Variants in FHIT observed in about 807,000 individuals in gnomAD.
The protein encoded by FHIT is bis(5'-adenosyl)-triphosphatase.
FHIT carries 19 observed loss-of-function variants against 17.9 expected under a neutral mutation model. The observed-to-expected ratio is 1.06, with a 90% CI of 0.74 to 1.56. The LOEUF is 1.56. Among genes scored for constraint, FHIT ranks in the 40% most tolerant of loss-of-function variants. The pLI is 0.00. For missense variants in FHIT, 248 were observed against 189.2 expected, an observed-to-expected ratio of 1.31 and a Z score of -1.82; for synonymous variants, 81 against 69.7, an observed-to-expected ratio of 1.16 and a Z score of -0.81.
intron 3 of FHIT, among the ~76,000 whole-genome samples, chr3:60,922,399 G>T (rs908755728): frequency 1.4e-4 from 21 of 152,304 alleles, no homozygotes; most frequent in Non-Finnish European, 2.9e-4. Flanking sequence ...AATCAGCCCA[G>T]TGTCAGATGG....
At position 60,087,076 on chromosome 3, in the gene FHIT, G is replaced by A. The variant is rs114735334; in HGVS notation, c.104-72924C>T. Among the ~76,000 whole-genome samples the A allele has an allele frequency of 6.0e-3, 908 of 152,310 alleles. 6 individuals carry two copies. Among genetic ancestry groups the A allele is most frequent in the Middle Eastern group, 0.014 (4 of 294 alleles). On this transcript the variant is annotated intron_variant, in intron 5 of 9. Coordinates refer to ENST00000492590, the MANE Select transcript of FHIT (RefSeq NM_002012.4). ...CATTCTGGGTGCCTGCAGACGTAAC[G>A]TCATGCAAAAACTGACAAGGCTCAT...
rs1200159409 is a variant in FHIT at position 60,569,753 on chromosome 3, A to ATTTTTT, written c.-17-32775_-17-32774insAAAAAA. On this transcript the variant is annotated intron_variant, in intron 4 of 9. Transcript: ENST00000492590. ...TATATATATATATATATATATATAT[A>ATTTTTT]TATTTTTTTTTTTTTTAGACAGAGT... is the stretch of plus-strand genomic sequence containing the variant. 3.1e-3 allele frequency among the ~76,000 whole-genome samples: 178 copies of ATTTTTT among 57,184 alleles called. 1 individual carries two copies. The highest frequency in any genetic ancestry group is 4.3e-3 in the Non-Finnish European group (133 of 30,678). 37.5% of individuals were successfully genotyped at this position (57,184 alleles called of 152,430 possible). A position where few individuals can be genotyped will look rare whatever the true frequency, so the allele number is the denominator to read the frequency against.
Position 60,820,988 on chromosome 3 carries a change from G to GT in FHIT, c.-18+930dup, listed in dbSNP as rs1296500977. 3.1e-4 allele frequency among the ~76,000 whole-genome samples: 41 copies of GT among 132,794 alleles called. No homozygotes were observed. The East Asian group carries it at 6.2e-3, about 20-fold the overall frequency. 87.1% of individuals were successfully genotyped at this position (132,794 alleles called of 152,430 possible). A position where few individuals can be genotyped will look rare whatever the true frequency, so the allele number is the denominator to read the frequency against. On this transcript the variant is annotated intron_variant, in intron 4 of 9. Coordinates refer to ENST00000492590, the MANE Select transcript of FHIT (RefSeq NM_002012.4). ...TTGCTATTATTATTATTATTATGGG[G>GT]TTTTTTTGGCAGGGTCTCACTCTGT...
chr3:59,832,551 A>G (rs1701201070), intron 8 of FHIT, among the ~76,000 whole-genome samples: 1 of 152,180 alleles, frequency 6.6e-6, no homozygotes, highest in Non-Finnish European at 1.5e-5. Context: ...AACTTTCTGC[A>G]TTTTTGTCCT....
chr3:60,161,581 A>G (rs1008386145), intron 5 of FHIT, among the ~76,000 whole-genome samples: 9 of 152,142 alleles, frequency 5.9e-5, no homozygotes, highest in African/African-American at 2.2e-4. Context: ...AAGAAAAACA[A>G]AGGAGTGTGC....
intron 4 of FHIT, chr3:60,690,375 G>A: frequency 1.7e-6 from 1 of 575,646 alleles, no homozygotes; most frequent in East Asian, 4.4e-5. Flanking sequence ...TCTTGGCAGG[G>A]CACATGAAAA....
chr3:59,762,584 G>C (rs1701577033), intron 8 of FHIT, among the ~76,000 whole-genome samples: 1 of 152,136 alleles, frequency 6.6e-6, no homozygotes, highest in Non-Finnish European at 1.5e-5. Flanking sequence ...TATGTCTAGT[G>C]CTCTTCTGAT....
chr3:59,934,806 A>G (rs1247223502), intron 7 of FHIT, among the ~76,000 whole-genome samples: 3 of 152,156 alleles, frequency 2.0e-5, no homozygotes, highest in Non-Finnish European at 4.4e-5. Flanking sequence ...CTAACTCAGT[A>G]TCATGAGAAC....
intron 8 of FHIT, among the ~76,000 whole-genome samples, chr3:59,854,502 G>C (rs1392955560): frequency 6.6e-6 from 1 of 152,138 alleles, no homozygotes; most frequent in Admixed American, 6.5e-5. Context: ...CATTGTCTTA[G>C]GGAATCCAGG....
At chr3:59,799,877 C>T (rs924486419) in intron 8 of FHIT, among the ~76,000 whole-genome samples, 8 of 152,070 alleles carry the variant, frequency 5.3e-5, no homozygotes, top group African/African-American at 1.9e-4. Flanking sequence ...TCACTGCAGG[C>T]CTTTCACAAT....
chr3:60,479,526 G>A (rs144566897), intron 5 of FHIT, among the ~76,000 whole-genome samples: 1 of 152,154 alleles, frequency 6.6e-6, no homozygotes, highest in Non-Finnish European at 1.5e-5. Flanking sequence ...TTATGTGTTT[G>A]CAGTGATGCT....
intron 3 of FHIT, among the ~76,000 whole-genome samples, chr3:60,976,841 G>A (rs1288317000): frequency 6.6e-6 from 1 of 150,926 alleles, no homozygotes; most frequent in Non-Finnish European, 1.5e-5. Flanking sequence ...TTCCTCTCCA[G>A]ATCCACTATT....
At chr3:61,062,475 T>C (rs1191991432) in intron 2 of FHIT, among the ~76,000 whole-genome samples, 1 of 152,196 alleles carries the variant, frequency 6.6e-6, no homozygotes, top group African/African-American at 2.4e-5. Context: ...TACGATCTTA[T>C]ATCTCTAGAT....
chr3:61,219,185 T>C (rs2039768355), intron 1 of FHIT, among the ~76,000 whole-genome samples: 2 of 152,166 alleles, frequency 1.3e-5, no homozygotes, highest in Non-Finnish European at 2.9e-5. Context: ...AAATATAGTA[T>C]TATAATATTA....
chr3:60,329,348 C>T (rs951831011), intron 5 of FHIT, among the ~76,000 whole-genome samples: 1 of 152,098 alleles, frequency 6.6e-6, no homozygotes, highest in Non-Finnish European at 1.5e-5. Context: ...CAGAAAATAC[C>T]GTGTTCCTCA....
intron 5 of FHIT, among the ~76,000 whole-genome samples, chr3:60,041,200 G>A (rs1324307888): frequency 1.3e-5 from 2 of 152,182 alleles, no homozygotes; most frequent in Non-Finnish European, 2.9e-5. Context: ...TGACCCGACA[G>A]AAGGAGACTT....
chr3:59,909,897 AGAAAG>A (rs1303994187), intron 8 of FHIT, among the ~76,000 whole-genome samples: 1 of 152,228 alleles, frequency 6.6e-6, no homozygotes, highest in African/African-American at 2.4e-5. Flanking sequence ...GAGAATATGA[AGAAAG>A]GAACAGGAGT....
At chr3:61,197,560 C>T (rs951323540) in intron 2 of FHIT, among the ~76,000 whole-genome samples, 2 of 152,096 alleles carry the variant, frequency 1.3e-5, no homozygotes, top group African/African-American at 2.4e-5. Flanking sequence ...AGAAAACTTG[C>T]CCATTCCATT....
intron 3 of FHIT, among the ~76,000 whole-genome samples, chr3:60,888,503 GA>G (rs549967339): frequency 0.058 from 8,403 of 145,868 alleles, 276 homozygotes; most frequent in South Asian, 0.12. Context: ...TTCTTTCTAA[GA>G]AAAAAAAAAA....
Sources: allele counts gnomAD v4.1 joint callset (sites outside exome capture counted in the v4.1 genomes callset), GRCh38; gene constraint gnomAD v4.1.1; transcripts MANE v1.5; gene names NCBI Gene and HGNC (gene_info 2026-07-23, HGNC 2026-07-21).